The following ZMIZ1 variants were observed in gnomAD, a reference collection of about 807,000 sequenced individuals.
ZMIZ1 encodes the protein zinc finger MIZ domain-containing protein 1.
A neutral mutation model predicts 113.9 loss-of-function variants in ZMIZ1; 17 were observed. The ratio of observed to expected loss-of-function variants is 0.15; its 90% CI spans 0.10 to 0.22. The LOEUF is 0.22. Ranked by LOEUF, ZMIZ1 falls within the 10% of genes least tolerant of loss-of-function variation. The pLI is 1.00. For missense variants in ZMIZ1, 1,059 were observed against 1,477.8 expected (o/e 0.72, Z 4.65); for synonymous variants, 607 against 603.1 (o/e 1.01, Z -0.09).
chr10:79,093,135 AACACACACAC>A (rs5786379), intron 1 of ZMIZ1, among the ~76,000 whole-genome samples: 270 of 107,992 alleles, frequency 2.5e-3, no homozygotes, highest in Non-Finnish European at 4.0e-3. Context: ...CCCCACCCCC[AACACACACAC>A]ACACACACAC....
At chr10:79,095,647 G>A (rs953471925) in intron 1 of ZMIZ1, among the ~76,000 whole-genome samples, 4 of 152,212 alleles carry the variant, frequency 2.6e-5, no homozygotes, top group Non-Finnish European at 4.4e-5. Flanking sequence ...GGCTTGGAAC[G>A]CACCTAACAA....
chr10:79,224,484 T>C (rs1422461668), intron 7 of ZMIZ1, among the ~76,000 whole-genome samples: 1 of 152,054 alleles, frequency 6.6e-6, no homozygotes, highest in East Asian at 1.9e-4. Context: ...AGCTCATCAC[T>C]GGCCCCCCTG....
At chr10:79,089,229 C>T (rs1016638893) in intron 1 of ZMIZ1, among the ~76,000 whole-genome samples, 7 of 152,226 alleles carry the variant, frequency 4.6e-5, no homozygotes, top group African/African-American at 1.7e-4. Flanking sequence ...CCGTGGTCCA[C>T]GGCCGGAGCC....
intron 23 of ZMIZ1, among the ~76,000 whole-genome samples, chr10:79,307,848 A>G (rs569617208): frequency 6.6e-6 from 1 of 152,118 alleles, no homozygotes; most frequent in Non-Finnish European, 1.5e-5. Context: ...ACACACGTGC[A>G]TGCACTCGCC....
At chr10:79,187,034 A>G (rs969000204) in intron 4 of ZMIZ1, among the ~76,000 whole-genome samples, 3 of 152,160 alleles carry the variant, frequency 2.0e-5, no homozygotes, top group African/African-American at 7.2e-5. Flanking sequence ...GCCCTCTGGT[A>G]GGCACTCCCA....
intron 3 of ZMIZ1, among the ~76,000 whole-genome samples, chr10:79,158,388 C>G (rs1845983282): frequency 6.6e-6 from 1 of 152,202 alleles, no homozygotes; most frequent in Non-Finnish European, 1.5e-5. Context: ...CGGTCGGCCC[C>G]TGCTTAGAGA....
chr10:79,195,613 G>A (rs1377500425), intron 4 of ZMIZ1, among the ~76,000 whole-genome samples: 1 of 152,240 alleles, frequency 6.6e-6, no homozygotes, highest in Non-Finnish European at 1.5e-5. Flanking sequence ...TGTGGCGAAG[G>A]GCGACCTCTG....
At chr10:79,195,854 C>T (rs1358432787) in intron 4 of ZMIZ1, among the ~76,000 whole-genome samples, 2 of 152,222 alleles carry the variant, frequency 1.3e-5, no homozygotes, top group Non-Finnish European at 2.9e-5. Flanking sequence ...AGCCCAGCAG[C>T]TTTCCGGCTG....
At chr10:79,211,656 C>A (rs1385054901) in intron 6 of ZMIZ1, among the ~76,000 whole-genome samples, 2 of 152,234 alleles carry the variant, frequency 1.3e-5, no homozygotes, top group African/African-American at 2.4e-5. Flanking sequence ...CCAGACCTGG[C>A]CCTGCCATCC....
At chr10:79,218,216 G>A (rs951675829) in intron 7 of ZMIZ1, among the ~76,000 whole-genome samples, 3 of 152,202 alleles carry the variant, frequency 2.0e-5, no homozygotes, top group Admixed American at 6.5e-5. Flanking sequence ...GCTCACACCT[G>A]TAATCCCAGC....
intron 1 of ZMIZ1, among the ~76,000 whole-genome samples, chr10:79,091,512 G>A (rs372166277): frequency 5.3e-5 from 8 of 152,336 alleles, no homozygotes; most frequent in South Asian, 2.1e-4. Flanking sequence ...AGTACTGAAA[G>A]CTTCAGAGAA....
At chr10:79,095,342 C>G (rs16936842) in intron 1 of ZMIZ1, among the ~76,000 whole-genome samples, 2 of 152,168 alleles carry the variant, frequency 1.3e-5, no homozygotes, top group African/African-American at 4.8e-5. Context: ...CAAATATTTT[C>G]CTGATTTAAT....
chr10:79,245,827 C>T (rs1414464357), intron 7 of ZMIZ1, among the ~76,000 whole-genome samples: 4 of 152,098 alleles, frequency 2.6e-5, no homozygotes, highest in Admixed American at 2.0e-4. Context: ...TTAAGCTTAT[C>T]CTTGGCACTA....
At position 79,158,278 on chromosome 10, in the gene ZMIZ1, G is replaced by C. The variant is rs545476388; in HGVS notation, c.-130-3775G>C. 1.1e-3 allele frequency among the ~76,000 whole-genome samples: 174 copies of C among 152,276 alleles called. 1 individual carries two copies. The highest frequency in any genetic ancestry group is 4.0e-3 in the African/African-American group (167 of 41,552). On this transcript the variant is annotated intron_variant, in intron 3 of 24. Coordinates refer to ENST00000334512, the MANE Select transcript of ZMIZ1 (RefSeq NM_020338.4). ...ATGGAAGCCCTGAACTCCAGGTTGA[G>C]GGTGCCCTGGTGTAACCCCTGCCCA...
At chr10:79,312,513 A>G (rs761667633) in intron 24 of ZMIZ1, 129 bp from the exon 25 acceptor site, 130 of 915,338 alleles carry the variant, frequency 1.4e-4, no homozygotes, top group Non-Finnish European at 2.2e-4. Context: ...GCTGTTCTCT[A>G]CCCCTTTTTT....
At chr10:79,165,255 C>T (rs1358874272) in intron 4 of ZMIZ1, among the ~76,000 whole-genome samples, 2 of 152,134 alleles carry the variant, frequency 1.3e-5, no homozygotes, top group Non-Finnish European at 2.9e-5. Flanking sequence ...TCCTCCCCTG[C>T]CTGGGTGAGC....
chr10:79,142,548 G>A (rs532165943), intron 3 of ZMIZ1, among the ~76,000 whole-genome samples: 43 of 152,284 alleles, frequency 2.8e-4, no homozygotes, highest in African/African-American at 9.9e-4. Flanking sequence ...GCTGCAGTGG[G>A]AACAGCCTAC....
intron 7 of ZMIZ1, among the ~76,000 whole-genome samples, chr10:79,244,807 T>C (rs1407349546): frequency 6.6e-6 from 1 of 152,150 alleles, no homozygotes; most frequent in Admixed American, 6.5e-5. Context: ...GAAAAGGCCG[T>C]GCCATCCTGA....
intron 3 of ZMIZ1, among the ~76,000 whole-genome samples, chr10:79,150,341 C>T (rs61853180): frequency 0.23 from 35,330 of 152,256 alleles, 5,821 homozygotes; most frequent in African/African-American, 0.47. Context: ...AAAGGAAGCC[C>T]GACCTCGGGC....
Sources: gnomAD v4.1 joint callset for allele counts (sites outside exome capture counted in the v4.1 genomes callset) on GRCh38, gnomAD v4.1.1 for gene constraint, MANE v1.5 for transcripts, NCBI Gene and HGNC (gene_info 2026-07-23, HGNC 2026-07-21) for gene names.